The following MAP3K1 variants were observed in gnomAD, a reference collection of about 807,000 sequenced individuals.
MAP3K1 encodes mitogen-activated protein kinase kinase kinase 1.
Under a neutral mutation model 144.2 loss-of-function variants are expected in MAP3K1, and 36 were observed. That is an observed-to-expected ratio of 0.25 (90% CI 0.19 to 0.33). The LOEUF is 0.33. MAP3K1 is among the 10% of genes least tolerant of loss of function. The pLI is 1.00. For missense variants in MAP3K1, 1,650 were observed against 1,881.9 expected (o/e 0.88, Z 2.28); for synonymous variants, 718 against 688.7 (o/e 1.04, Z -0.67).
At chr5:56,829,061 A>C (rs1486646295) in intron 1 of MAP3K1, among the ~76,000 whole-genome samples, 1 of 152,194 alleles carries the variant, frequency 6.6e-6, no homozygotes, top group East Asian at 1.9e-4. Flanking sequence ...GTTCTAAAAA[A>C]TTATGACTTT....
At chr5:56,883,385 C>G (rs832584) in intron 14 of MAP3K1, 142 bp from the exon 15 acceptor site, 1 of 738,530 alleles carries the variant, frequency 1.4e-6, no homozygotes, top group South Asian at 1.6e-5. Context: ...CATTTGCTGT[C>G]GGTCACAAAT....
intron 2 of MAP3K1, among the ~76,000 whole-genome samples, chr5:56,858,438 G>A (rs181046575): frequency 5.3e-4 from 81 of 152,334 alleles, no homozygotes; most frequent in Admixed American, 1.1e-3. Context: ...GGGAGGAGAT[G>A]TGTGGAATAA....
intron 19 of MAP3K1, 86 bp from the exon 20 acceptor site, chr5:56,893,445 G>A (rs1352916196): frequency 2.2e-6 from 3 of 1,355,650 alleles, no homozygotes; most frequent in Non-Finnish European, 3.2e-6. Context: ...GGATGTAAAT[G>A]TAAGGGTTAT....
rs1747619406 is a variant in MAP3K1, at chr5:56,864,608, C to T, written c.835-126C>T. 4 of 910,788 alleles carry T rather than the reference C, an allele frequency of 4.4e-6. No homozygotes were observed. In the South Asian group the frequency reaches 5.5e-5, roughly 13 times the overall value. 56.4% of individuals were successfully genotyped at this position (910,788 alleles called of 1,614,324 possible). A position where few individuals can be genotyped will look rare whatever the true frequency, so the allele number is the denominator to read the frequency against. On this transcript the variant is annotated intron_variant, in intron 3 of 19. Coordinates refer to ENST00000399503, the MANE Select transcript of MAP3K1 (RefSeq NM_005921.2). Reference sequence around the variant, plus strand: ...CCGGATGGTCTGGATCTCCTGACCTCATGATCCGCCCTCCTCGGCCTCCCA... The same window carrying T: ...CCGGATGGTCTGGATCTCCTGACCTTATGATCCGCCCTCCTCGGCCTCCCA...
chr5:56,866,441 G>A (rs1317464424), intron 6 of MAP3K1, among the ~76,000 whole-genome samples: 1 of 151,964 alleles, frequency 6.6e-6, no homozygotes, highest in African/African-American at 2.4e-5. Context: ...ATGTCTGTAT[G>A]TATGTATGTA....
At chr5:56,828,905 C>A (rs1372659491) in intron 1 of MAP3K1, among the ~76,000 whole-genome samples, 1 of 151,954 alleles carries the variant, frequency 6.6e-6, no homozygotes, top group Non-Finnish European at 1.5e-5. Context: ...GTTAAAAATG[C>A]ATCGCTTGGT....
intron 1 of MAP3K1, among the ~76,000 whole-genome samples, chr5:56,822,992 TC>T (rs1746199785): frequency 6.6e-6 from 1 of 152,204 alleles, no homozygotes; most frequent in African/African-American, 2.4e-5. Flanking sequence ...CTTAGTGGCC[TC>T]CTTGCCTGAT....
rs774942626 is a variant in MAP3K1, at chr5:56,856,615, T to C, written c.498T>C (p.Asn166=). ...AAAPAGREME[N]KETLKGLHKM... is the part of the protein sequence containing the mutation. ...TGCATTTTAGTCGTGAGATGGAGAATAAAGAAACTCTCAAAGGGTTGCACA... is the reference window on the plus strand; with the variant it reads ...TGCATTTTAGTCGTGAGATGGAGAACAAAGAAACTCTCAAAGGGTTGCACA... The change falls in exon 2 of 20, where the codon AAT becomes AAC. Residue 166 remains asparagine, a synonymous_variant. Coordinates refer to ENST00000399503, the MANE Select transcript of MAP3K1 (RefSeq NM_005921.2). The C allele has an allele frequency of 1.2e-6, 2 of 1,613,554 alleles. No homozygotes were observed. The highest frequency in any genetic ancestry group is 2.7e-5 in the African/African-American group (2 of 74,892).
At chr5:56,847,413 A>T (rs539433462) in intron 1 of MAP3K1, among the ~76,000 whole-genome samples, 1 of 152,234 alleles carries the variant, frequency 6.6e-6, no homozygotes, top group Non-Finnish European at 1.5e-5. Flanking sequence ...CCTGGCCAAC[A>T]TGGTGAAACC....
chr5:56,881,073 CT>C lies in MAP3K1; in HGVS notation c.2180-5del. On this transcript the variant is annotated splice_polypyrimidine_tract_variant and intron_variant, in intron 12 of 19. Coordinates refer to ENST00000399503, the MANE Select transcript of MAP3K1 (RefSeq NM_005921.2). ...TTTTTAATCATTTATTTTTACTTTC[CT>C]TTTTGTAGGATCCATTGGTATTGGT... 6.2e-7 allele frequency: 1 copy of C among 1,601,842 alleles called. No individual in the cohort carries two copies. The highest frequency in any genetic ancestry group is 8.5e-7 in the Non-Finnish European group (1 of 1,170,462).
At chr5:56,888,494 A>C in intron 19 of MAP3K1, 137 bp downstream of exon 19, 1 of 801,614 alleles carries the variant, frequency 1.2e-6, no homozygotes, top group Non-Finnish European at 2.1e-6. Flanking sequence ...TTCAGAGAGG[A>C]TTTGATATAC....
chr5:56,865,064 AT>A (rs1394102373), intron 4 of MAP3K1, 130 bp downstream of exon 4: 5 of 899,388 alleles, frequency 5.6e-6, no homozygotes, highest in Admixed American at 2.4e-5. Flanking sequence ...CTTAAAATGT[AT>A]TTTAGGCTAA....
chr5:56,873,100 A>C, intron 9 of MAP3K1, 95 bp downstream of exon 9: 1 of 1,220,948 alleles, frequency 8.2e-7, no homozygotes, highest in Non-Finnish European at 1.2e-6. Context: ...ATTTAAAAAA[A>C]CACTTTTACT....
intron 1 of MAP3K1, among the ~76,000 whole-genome samples, chr5:56,837,051 C>T (rs1346690888): frequency 6.6e-6 from 1 of 152,024 alleles, no homozygotes; most frequent in African/African-American, 2.4e-5. Context: ...TATCCCCCCA[C>T]CTTAAGCTAG....
chr5:56,888,443 A>G (rs1579786466), intron 19 of MAP3K1, 86 bp downstream of exon 19: 1 of 1,131,932 alleles, frequency 8.8e-7, no homozygotes, highest in Non-Finnish European at 1.3e-6. Context: ...GGTTCTCCCT[A>G]ACAATCTAGC....
intron 19 of MAP3K1, 21 bp from the exon 20 acceptor site, chr5:56,893,510 A>G (rs372122402): frequency 5.0e-6 from 8 of 1,613,384 alleles, no homozygotes; most frequent in East Asian, 2.2e-5. Flanking sequence ...CAAAGCTTCA[A>G]CACTGGCTTT....
chr5:56,888,604 A>AC (rs1748453489), intron 19 of MAP3K1, among the ~76,000 whole-genome samples: 1 of 152,238 alleles, frequency 6.6e-6, no homozygotes, highest in African/African-American at 2.4e-5. Flanking sequence ...GTGCTATGAT[A>AC]CACTGGTGAT....
intron 1 of MAP3K1, among the ~76,000 whole-genome samples, chr5:56,819,772 A>G (rs1001828739): frequency 6.6e-6 from 1 of 152,178 alleles, no homozygotes; most frequent in African/African-American, 2.4e-5. Context: ...GCTTCTATCA[A>G]ATATATCAAG....
chr5:56,887,849 A>G (rs1465104656), intron 18 of MAP3K1: 4 of 435,204 alleles, frequency 9.2e-6, no homozygotes, highest in South Asian at 2.3e-5. Context: ...CTAAAAGGAG[A>G]TGAGCATACA....
Sources: gnomAD v4.1 joint callset for allele counts (sites outside exome capture counted in the v4.1 genomes callset) on GRCh38, gnomAD v4.1.1 for gene constraint, MANE v1.5 for transcripts, NCBI Gene and HGNC (gene_info 2026-07-23, HGNC 2026-07-21) for gene names.